REPS1: variants seen among roughly 807,000 people sequenced by gnomAD.
The protein encoded by REPS1 is ralBP1-associated Eps domain-containing protein 1.
A neutral mutation model predicts 100.9 loss-of-function variants in REPS1; 39 were observed. That is an observed-to-expected ratio of 0.39 (90% CI 0.30 to 0.50). The LOEUF (loss-of-function observed/expected upper bound fraction) is 0.50, where lower values mean the gene tolerates loss of function less well. REPS1 is among the 20% of genes least tolerant of loss of function. REPS1 has a pLI of 0.86. For missense variants in REPS1, 821 were observed against 968.5 expected, an observed-to-expected ratio of 0.85 and a Z score of 2.02; for synonymous variants, 324 against 340.3, an observed-to-expected ratio of 0.95 and a Z score of 0.53.
At chr6:138,941,020 C>T (rs1782214377) in intron 8 of REPS1, among the ~76,000 whole-genome samples, 1 of 152,046 alleles carries the variant, frequency 6.6e-6, no homozygotes, top group South Asian at 2.1e-4. Context: ...TTACTCTATC[C>T]ACTCGAGACA....
At chr6:138,968,182 G>A (rs946550488) in intron 1 of REPS1, among the ~76,000 whole-genome samples, 2 of 152,166 alleles carry the variant, frequency 1.3e-5, no homozygotes, top group African/African-American at 4.8e-5. Flanking sequence ...ATCATTGTAA[G>A]TCAGGGACCA....
At chr6:138,921,608 G>A (rs1469730831) in intron 10 of REPS1, among the ~76,000 whole-genome samples, 3 of 114,266 alleles carry the variant, frequency 2.6e-5, no homozygotes, top group East Asian at 2.7e-4. Context: ...ATGGAGTCTC[G>A]CTCTGTTGCC....
chr6:138,955,457 A>AAGTGT (rs10689184), intron 1 of REPS1, among the ~76,000 whole-genome samples: 2,028 of 90,662 alleles, frequency 0.022, 40 homozygotes, highest in African/African-American at 0.047. Flanking sequence ...AAAAAAAAAA[A>AAGTGT]GTGTGTGTGT....
intron 1 of REPS1, among the ~76,000 whole-genome samples, chr6:138,964,253 A>G (rs955693955): frequency 5.9e-5 from 9 of 151,722 alleles, no homozygotes; most frequent in African/African-American, 2.2e-4. Context: ...TTACTTATCT[A>G]TAACTTCCAT....
chr6:138,912,584 T>TG (rs1780081553), intron 16 of REPS1, 181 bp downstream of exon 16: 2 of 626,386 alleles, frequency 3.2e-6, no homozygotes, highest in Non-Finnish European at 5.6e-6. Context: ...CACCAGACTC[T>TG]GATACTTAGT....
chr6:138,966,523 T>C (rs1221114617), intron 1 of REPS1, among the ~76,000 whole-genome samples: 1 of 152,128 alleles, frequency 6.6e-6, no homozygotes, highest in Non-Finnish European at 1.5e-5. Context: ...CCCTATGAGG[T>C]AGGTACTGTT....
intron 1 of REPS1, among the ~76,000 whole-genome samples, chr6:138,973,674 G>A (rs1387880925): frequency 6.6e-6 from 1 of 151,904 alleles, no homozygotes; most frequent in Non-Finnish European, 1.5e-5. Context: ...CTTACTAGCT[G>A]TGTAATCGTA....
chr6:138,943,053 C>T (rs549929709), intron 7 of REPS1, among the ~76,000 whole-genome samples: 1 of 152,260 alleles, frequency 6.6e-6, no homozygotes, highest in South Asian at 2.1e-4. Flanking sequence ...CGGCCCTGGC[C>T]TATTTTTATA....
rs554135585 is a variant in REPS1, at chr6:138,924,617, C to A, written c.1338+1784G>T. On this transcript the variant is annotated intron_variant, in intron 10 of 19. Transcript: ENST00000450536. ...ATAGTTTCTTTATTGCTACATCTAA[C>A]CTTCCTTCCCATATACTTTCATTAA... is the stretch of plus-strand genomic sequence containing the variant. Among the ~76,000 whole-genome samples, 11 of 152,272 alleles carry A rather than the reference C, an allele frequency of 7.2e-5. No homozygotes were observed. The East Asian group carries it at 1.4e-3, about 19-fold the overall frequency.
chr6:138,966,344 C>T (rs951966489), intron 1 of REPS1, among the ~76,000 whole-genome samples: 6 of 152,066 alleles, frequency 3.9e-5, no homozygotes. Flanking sequence ...AAAGAGAAAC[C>T]CATTCCACTG....
chr6:138,943,640 AAG>A, intron 6 of REPS1, 64 bp from the exon 7 acceptor site: 1 of 1,273,976 alleles, frequency 7.8e-7, no homozygotes, highest in Non-Finnish European at 1.1e-6. Flanking sequence ...AACAGAATGT[AAG>A]AGTCTTAGAC....
chr6:138,905,663 A>G (rs1779598262), intron 19 of REPS1, among the ~76,000 whole-genome samples: 1 of 152,260 alleles, frequency 6.6e-6, no homozygotes, highest in Non-Finnish European at 1.5e-5. Flanking sequence ...TTATTACACA[A>G]ATCAGGGAAA....
At chr6:138,960,508 A>G (rs1783669168) in intron 1 of REPS1, among the ~76,000 whole-genome samples, 1 of 152,164 alleles carries the variant, frequency 6.6e-6, no homozygotes, top group Admixed American at 6.5e-5. Flanking sequence ...GAAAAAAAAA[A>G]ATCAAGTGAG....
At chr6:138,908,247 C>G (rs2128423665) in intron 18 of REPS1, among the ~76,000 whole-genome samples, 1 of 152,240 alleles carries the variant, frequency 6.6e-6, no homozygotes, top group Non-Finnish European at 1.5e-5. Flanking sequence ...GGAGGCTCTG[C>G]TCAATTAAAG....
chr6:138,937,860 T>C (rs1781958880), intron 8 of REPS1, among the ~76,000 whole-genome samples: 1 of 152,194 alleles, frequency 6.6e-6, no homozygotes, highest in Non-Finnish European at 1.5e-5. Flanking sequence ...CCTACCTTCC[T>C]AGAAGGCTCT....
intron 8 of REPS1, among the ~76,000 whole-genome samples, chr6:138,940,767 AAAAAG>A (rs1264487731): frequency 6.6e-6 from 1 of 151,924 alleles, no homozygotes; most frequent in Non-Finnish European, 1.5e-5. Context: ...AAAGAAAAAA[AAAAAG>A]AAAAGGAAGA....
At chr6:138,931,913 T>A (rs1045131622) in intron 8 of REPS1, among the ~76,000 whole-genome samples, 6 of 152,058 alleles carry the variant, frequency 3.9e-5, no homozygotes, top group African/African-American at 1.4e-4. Context: ...AGCAGGTGAG[T>A]ACTGAAGAAA....
At chr6:138,987,171 C>G (rs946554772) in intron 1 of REPS1, among the ~76,000 whole-genome samples, 2 of 152,234 alleles carry the variant, frequency 1.3e-5, no homozygotes, top group South Asian at 4.1e-4. Context: ...TACTACTCTG[C>G]AGGATCCGAA....
At chr6:138,986,787 T>TAA (rs112843204) in intron 1 of REPS1, among the ~76,000 whole-genome samples, 2 of 152,036 alleles carry the variant, frequency 1.3e-5, no homozygotes, top group African/African-American at 4.8e-5. Flanking sequence ...GCAGATATGA[T>TAA]AAAAAAAGGC....
Sources: allele counts gnomAD v4.1 joint callset (sites outside exome capture counted in the v4.1 genomes callset), GRCh38; gene constraint gnomAD v4.1.1; transcripts MANE v1.5; gene names NCBI Gene and HGNC (gene_info 2026-07-23, HGNC 2026-07-21).